OPHN1: variants seen among roughly 807,000 people sequenced by gnomAD.
OPHN1 encodes the protein oligophrenin-1.
OPHN1 carries 11 observed loss-of-function variants against 60.7 expected under a neutral mutation model. The ratio of observed to expected loss-of-function variants is 0.18; its 90% CI spans 0.11 to 0.30. The LOEUF (loss-of-function observed/expected upper bound fraction) is 0.30. Among genes scored for constraint, OPHN1 ranks in the 10% least tolerant of loss-of-function variants. OPHN1 has a pLI of 1.00. For missense variants in OPHN1, 449 were observed against 611.0 expected (o/e 0.73, Z 2.80); for synonymous variants, 226 against 222.6 (o/e 1.02, Z -0.14).
Position 68,276,773 on chromosome X carries a change from AG to A in OPHN1, c.313-1965del, listed in dbSNP as rs767740181. Among the ~76,000 whole-genome samples, 7 of 111,193 alleles carry A rather than the reference AG, an allele frequency of 6.3e-5. 1 individual carries two copies. The highest frequency in any genetic ancestry group is 1.3e-4 in the Non-Finnish European group (7 of 53,084). On this transcript the variant is annotated intron_variant, in intron 4 of 24. Coordinates refer to ENST00000355520, the MANE Select transcript of OPHN1 (RefSeq NM_002547.3). ...ATTTGAAGCTAGGTCATAAAAGGCC[AG>A]CACCAGTTCTCTCCCAGTTCTCTTG...
At chrX:68,209,451 A>G (rs1189230748) in intron 9 of OPHN1, among the ~76,000 whole-genome samples, 6 of 111,901 alleles carry the variant, frequency 5.4e-5, no homozygotes, top group Non-Finnish European at 9.4e-5. Context: ...CTTTAGGTGC[A>G]GCCACTCAGG....
At chrX:68,225,379 C>T (rs928151071) in intron 6 of OPHN1, among the ~76,000 whole-genome samples, 12 of 111,754 alleles carry the variant, frequency 1.1e-4, no homozygotes, top group Admixed American at 8.6e-4. Context: ...AGTAGTGGTT[C>T]TCCCAGCACG....
chrX:68,206,084 A>G (rs1010795742), intron 10 of OPHN1, among the ~76,000 whole-genome samples: 20 of 108,670 alleles, frequency 1.8e-4, no homozygotes, highest in African/African-American at 6.0e-4. Context: ...TGTCATTTTC[A>G]GGAGTGAGAG....
At chrX:68,071,118 G>T (rs2076932460) in intron 20 of OPHN1, 1 of 991,507 alleles carries the variant, frequency 1.0e-6, no homozygotes, top group Non-Finnish European at 1.4e-6. Context: ...GGTGGATCTT[G>T]TCTGCAAATT....
chrX:68,246,098 C>T (rs2077804456), intron 5 of OPHN1, among the ~76,000 whole-genome samples: 1 of 111,782 alleles, frequency 8.9e-6, no homozygotes, highest in South Asian at 3.8e-4. Context: ...AGCCACTGTG[C>T]CTGGCCGGTT....
intron 5 of OPHN1, among the ~76,000 whole-genome samples, chrX:68,256,163 A>G (rs1369956509): frequency 5.4e-5 from 6 of 111,294 alleles, no homozygotes; most frequent in Non-Finnish European, 9.4e-5. Context: ...TTTGATCAGG[A>G]GCAAGGGGAA....
chrX:68,366,940 T>C (rs1053652947), intron 2 of OPHN1, among the ~76,000 whole-genome samples: 3 of 111,636 alleles, frequency 2.7e-5, no homozygotes, highest in African/African-American at 9.8e-5. Flanking sequence ...AGTTCAAGGT[T>C]ACAGAGTGGA....
At chrX:68,124,326 G>A (rs1253141131) in intron 15 of OPHN1, among the ~76,000 whole-genome samples, 5 of 110,289 alleles carry the variant, frequency 4.5e-5, no homozygotes, top group South Asian at 3.9e-4. Flanking sequence ...ACCCCATAAC[G>A]ATAAAGGGGT....
chrX:68,179,154 C>T (rs752917159), intron 15 of OPHN1, among the ~76,000 whole-genome samples: 31 of 111,791 alleles, frequency 2.8e-4, no homozygotes, highest in African/African-American at 1.0e-3. Flanking sequence ...TTTTATTATA[C>T]AATTTATTGT....
At chrX:68,058,502 G>T (rs193016640) in intron 21 of OPHN1, among the ~76,000 whole-genome samples, 1 of 111,559 alleles carries the variant, frequency 9.0e-6, no homozygotes, top group East Asian at 2.8e-4. Flanking sequence ...TAGACCTTGA[G>T]GTTAGTTCGC....
At chrX:68,081,831 T>C (rs768484626) in intron 19 of OPHN1, among the ~76,000 whole-genome samples, 4 of 111,284 alleles carry the variant, frequency 3.6e-5, no homozygotes, top group South Asian at 7.6e-4. Flanking sequence ...GCTGCATCAA[T>C]TGACTCTTCC....
At chrX:68,066,896 T>C (rs767949939) in intron 20 of OPHN1, among the ~76,000 whole-genome samples, 8 of 111,967 alleles carry the variant, frequency 7.1e-5, no homozygotes, top group Non-Finnish European at 1.3e-4. Flanking sequence ...CCCCTTTCCC[T>C]AACCAGCCAC....
intron 15 of OPHN1, among the ~76,000 whole-genome samples, chrX:68,175,677 G>A (rs1458577658): frequency 1.8e-5 from 2 of 111,419 alleles, no homozygotes; most frequent in Non-Finnish European, 1.9e-5. Flanking sequence ...CATGACTCAT[G>A]TAAGCCTCAT....
At position 68,073,268 on chromosome X, in the gene OPHN1, G is replaced by A. The variant is rs2147370909; in HGVS notation, c.1718C>T (p.Ala573Val). 8.3e-7 allele frequency: 1 copy of A among 1,210,909 alleles called. No individual in the cohort carries two copies. Among genetic ancestry groups the A allele is most frequent in the South Asian group, 1.8e-5 (1 of 56,853 alleles). Residue 573 changes from alanine (A) to valine (V), a missense_variant, in exon 20 of 25, where the codon GCA (alanine) becomes GTA (valine). Around this residue, in one of 4 missense-constraint regions of OPHN1, gnomAD observed 166 missense variants for 278.4 expected, o/e 0.60. Coordinates refer to ENST00000355520, the MANE Select transcript of OPHN1 (RefSeq NM_002547.3). The part of the protein sequence containing the change: ...IYLGPPEESA[A>V]PPVPPPRVTA... ...CACCCGAGGCGGAGGCACTGGCGGT[G>A]CAGCGCTTTCCTCAGGTGGACCTAA... is the stretch of plus-strand genomic sequence containing the variant.
chrX:68,419,163 A>T (rs959440995), intron 2 of OPHN1, among the ~76,000 whole-genome samples: 3 of 109,916 alleles, frequency 2.7e-5, no homozygotes, highest in Non-Finnish European at 5.7e-5. Context: ...GCCTGCCACC[A>T]TGCCCAGCTA....
At chrX:68,182,686 G>A (rs1353747580) in intron 15 of OPHN1, among the ~76,000 whole-genome samples, 4 of 111,687 alleles carry the variant, frequency 3.6e-5, no homozygotes, top group Admixed American at 9.5e-5. Context: ...CAAGATGGGC[G>A]GATCACTTGA....
At chrX:68,052,743 A>G (rs937433055) in intron 22 of OPHN1, among the ~76,000 whole-genome samples, 153 bp from the exon 23 acceptor site, 2 of 111,761 alleles carry the variant, frequency 1.8e-5, no homozygotes, top group Non-Finnish European at 3.8e-5. Flanking sequence ...ACAAATGTGA[A>G]ATGGCCCAGA....
chrX:68,433,193 C>A lies in OPHN1; in HGVS notation c.-30G>T. 4.1e-6 allele frequency: 2 copies of A among 493,500 alleles called. No individual in the cohort carries two copies. Among genetic ancestry groups the A allele is most frequent in the Non-Finnish European group, 6.6e-6 (2 of 304,997 alleles). 40.7% of individuals were successfully genotyped at this position (493,500 alleles called of 1,213,427 possible). On this transcript the variant is annotated 5_prime_UTR_variant, in exon 1 of 25. Coordinates refer to ENST00000355520, the MANE Select transcript of OPHN1 (RefSeq NM_002547.3). Reference sequence around the variant, plus strand: ...CTGTTTCAGTGAGACTCCTGAGGAGCGCTGGCTGGTCCGGACAGAGAACAG... The same window carrying A: ...CTGTTTCAGTGAGACTCCTGAGGAGAGCTGGCTGGTCCGGACAGAGAACAG...
intron 2 of OPHN1, among the ~76,000 whole-genome samples, chrX:68,343,201 G>C (rs775038028): frequency 9.3e-6 from 1 of 107,011 alleles, no homozygotes; most frequent in Non-Finnish European, 1.9e-5. Context: ...TTGAACCCAG[G>C]AGGTGGAGGT....
Sources: gnomAD v4.1 joint callset for allele counts (sites outside exome capture counted in the v4.1 genomes callset) on GRCh38, gnomAD v4.1.1 for gene constraint, gnomAD v4.1.1 regional missense constraint, MANE v1.5 for transcripts, NCBI Gene and HGNC (gene_info 2026-07-23, HGNC 2026-07-21) for gene names.